Variants in RAP1GDS1 observed in about 807,000 individuals in gnomAD.
The protein encoded by RAP1GDS1 is RAP1, GTP-GDP dissociation stimulator 1.
Under a neutral mutation model 71.1 loss-of-function variants are expected in RAP1GDS1, and 35 were observed. The observed-to-expected ratio is 0.49, with a 90% CI of 0.38 to 0.65. RAP1GDS1 has a LOEUF of 0.65. Ranked by LOEUF, RAP1GDS1 falls within the 30% of genes least tolerant of loss-of-function variation. The probability of loss-of-function intolerance (pLI) is 0.00; values close to 1 mark genes in which losing one functional copy is unlikely to be tolerated. For missense variants in RAP1GDS1, 663 were observed against 706.1 expected, an observed-to-expected ratio of 0.94 and a Z score of 0.69; for synonymous variants, 229 against 243.1, an observed-to-expected ratio of 0.94 and a Z score of 0.54.
At chr4:98,345,512 G>A (rs1000488321) in intron 3 of RAP1GDS1, among the ~76,000 whole-genome samples, 2 of 152,070 alleles carry the variant, frequency 1.3e-5, no homozygotes, top group East Asian at 1.9e-4. Flanking sequence ...CCTTTTAAAT[G>A]TATTATTCCC....
intron 6 of RAP1GDS1, among the ~76,000 whole-genome samples, chr4:98,393,217 C>G (rs927472574): frequency 2.0e-5 from 3 of 152,112 alleles, no homozygotes; most frequent in Non-Finnish European, 4.4e-5. Context: ...GAAAGCTCAT[C>G]TTGATTTTAA....
chr4:98,311,643 T>C (rs77464461), intron 2 of RAP1GDS1, among the ~76,000 whole-genome samples: 2,039 of 152,298 alleles, frequency 0.013, 44 homozygotes, highest in African/African-American at 0.044. Context: ...TGCACATGTA[T>C]GTGTGTGTTT....
In RAP1GDS1 at chr4:98,436,941, C is replaced by A; in HGVS notation, c.1569C>A (p.Gly523=). ...AGATATACTTTGTTTTATTTGTAGG[C>A]ACTGCTGAGAAAGATCTAGAAAGTG... The part of the protein sequence containing the change: ...ALALIAALEL[G]TAEKDLESAK... The change falls in exon 14 of 15, where the codon GGC becomes GGA. Residue 523 remains glycine (G), a splice_region_variant and synonymous_variant. Transcript: ENST00000408927. 1 of 1,599,806 alleles carries A rather than the reference C, an allele frequency of 6.3e-7. No homozygotes were observed. Among genetic ancestry groups the A allele is most frequent in the Non-Finnish European group, 8.5e-7 (1 of 1,175,332 alleles).
At chr4:98,295,081 ATGAAGT>A (rs1727537346) in intron 2 of RAP1GDS1, among the ~76,000 whole-genome samples, 1 of 152,044 alleles carries the variant, frequency 6.6e-6, no homozygotes, top group South Asian at 2.1e-4. Flanking sequence ...AGACAAAGAG[ATGAAGT>A]TGAAGGGAAA....
intron 1 of RAP1GDS1, among the ~76,000 whole-genome samples, chr4:98,271,224 A>G (rs1330188785): frequency 6.6e-6 from 1 of 152,088 alleles, no homozygotes; most frequent in African/African-American, 2.4e-5. Context: ...GTACTGAAAT[A>G]TATTTATTAA....
At chr4:98,374,340 T>C (rs1740841102) in intron 4 of RAP1GDS1, among the ~76,000 whole-genome samples, 1 of 152,220 alleles carries the variant, frequency 6.6e-6, no homozygotes, top group South Asian at 2.1e-4. Context: ...AGCATTTCCA[T>C]TTAACTCTTT....
intron 12 of RAP1GDS1, among the ~76,000 whole-genome samples, chr4:98,431,542 A>T (rs191780309): frequency 1.3e-5 from 2 of 152,370 alleles, no homozygotes; most frequent in Admixed American, 6.5e-5. Flanking sequence ...TTCAGACTGC[A>T]TAAAGCATCT....
chr4:98,346,062 T>TA (rs1335356878), intron 3 of RAP1GDS1, among the ~76,000 whole-genome samples: 11 of 152,206 alleles, frequency 7.2e-5, no homozygotes, highest in Non-Finnish European at 1.5e-4. Flanking sequence ...CACCCAGACT[T>TA]ACTGAATCAG....
chr4:98,391,323 T>TGAGA (rs1266120019), intron 5 of RAP1GDS1, among the ~76,000 whole-genome samples: 4 of 152,126 alleles, frequency 2.6e-5, no homozygotes, highest in Non-Finnish European at 5.9e-5. Flanking sequence ...TCTCTCTTAC[T>TGAGA]GAGATGATCT....
intron 2 of RAP1GDS1, among the ~76,000 whole-genome samples, chr4:98,326,903 G>A (rs1480136146): frequency 2.0e-5 from 3 of 152,178 alleles, no homozygotes; most frequent in Non-Finnish European, 2.9e-5. Flanking sequence ...GCTAGAATTA[G>A]TATAGTCGTT....
At chr4:98,439,379 G>A (rs1751596237) in intron 14 of RAP1GDS1, among the ~76,000 whole-genome samples, 1 of 152,198 alleles carries the variant, frequency 6.6e-6, no homozygotes, top group African/African-American at 2.4e-5. Context: ...GTTTAACTAT[G>A]ATGTGTCTTG....
intron 6 of RAP1GDS1, among the ~76,000 whole-genome samples, chr4:98,395,459 C>A (rs1744395115): frequency 6.6e-6 from 1 of 152,184 alleles, no homozygotes; most frequent in African/African-American, 2.4e-5. Context: ...TGTGCTTTCT[C>A]ACTAAGCAGT....
intron 2 of RAP1GDS1, among the ~76,000 whole-genome samples, chr4:98,329,410 T>A (rs1177210239): frequency 1.3e-5 from 2 of 152,130 alleles, no homozygotes; most frequent in African/African-American, 2.4e-5. Flanking sequence ...ATCTTAACAG[T>A]CTTTTGAACC....
intron 2 of RAP1GDS1, among the ~76,000 whole-genome samples, chr4:98,305,050 A>G (rs1578371928): frequency 2.6e-5 from 4 of 152,156 alleles, no homozygotes; most frequent in Admixed American, 2.0e-4. Flanking sequence ...TACCAGTACC[A>G]TGCTGTTTTG....
At chr4:98,352,041 T>C (rs1737284635) in intron 3 of RAP1GDS1, among the ~76,000 whole-genome samples, 1 of 151,002 alleles carries the variant, frequency 6.6e-6, no homozygotes, top group African/African-American at 2.4e-5. Flanking sequence ...TAGGCTTTTT[T>C]AGAAAACAAA....
At chr4:98,392,110 A>G in intron 6 of RAP1GDS1, 30 bp downstream of exon 6, 1 of 1,581,754 alleles carries the variant, frequency 6.3e-7, no homozygotes, top group Non-Finnish European at 8.6e-7. Flanking sequence ...CACAAATGTA[A>G]TTAACTTATT....
intron 1 of RAP1GDS1, among the ~76,000 whole-genome samples, chr4:98,281,626 C>G (rs79502179): frequency 6.6e-6 from 1 of 152,072 alleles, no homozygotes; most frequent in South Asian, 2.1e-4. Flanking sequence ...ACTGCCCTGG[C>G]GAGAACTTCC....
intron 13 of RAP1GDS1, among the ~76,000 whole-genome samples, chr4:98,435,838 G>A (rs1392261115): frequency 4.0e-5 from 6 of 149,898 alleles, no homozygotes; most frequent in Admixed American, 1.3e-4. Context: ...TTGGGAGGCC[G>A]AGGCGGGTGG....
chr4:98,399,077 A>G (rs968645889), intron 6 of RAP1GDS1, among the ~76,000 whole-genome samples: 2 of 152,234 alleles, frequency 1.3e-5, no homozygotes, highest in African/African-American at 4.8e-5. Context: ...AAAGTAGCTT[A>G]AAGTTTTCAT....
Sources: gnomAD v4.1 joint callset for allele counts (sites outside exome capture counted in the v4.1 genomes callset) on GRCh38, gnomAD v4.1.1 for gene constraint, MANE v1.5 for transcripts, NCBI Gene and HGNC (gene_info 2026-07-23, HGNC 2026-07-21) for gene names.